Variants in VPS45 observed in about 807,000 individuals in gnomAD.
VPS45 encodes the protein vacuolar protein sorting-associated protein 45.
VPS45 carries 35 observed loss-of-function variants against 75.9 expected under a neutral mutation model. The observed-to-expected ratio is 0.46, with a 90% CI of 0.35 to 0.61. VPS45 has a LOEUF of 0.61. Ranked by LOEUF, VPS45 falls within the 20% of genes least tolerant of loss-of-function variation. The pLI is 0.00. For synonymous variants in VPS45, 220 were observed against 238.2 expected, an observed-to-expected ratio of 0.92 and a Z score of 0.70; for missense variants, 559 against 685.9, an observed-to-expected ratio of 0.81 and a Z score of 2.07.
chr1:150,121,461 A>G (rs782505288), intron 14 of VPS45, among the ~76,000 whole-genome samples: 5 of 152,108 alleles, frequency 3.3e-5, no homozygotes, highest in Non-Finnish European at 7.3e-5. Flanking sequence ...TGCAGTGTAC[A>G]GACTGTTATC....
At chr1:150,102,886 G>A (rs1657117721) in intron 13 of VPS45, among the ~76,000 whole-genome samples, 1 of 152,154 alleles carries the variant, frequency 6.6e-6, no homozygotes, top group Non-Finnish European at 1.5e-5. Context: ...GGTCAAAGGA[G>A]GGAGAGGAAC....
intron 2 of VPS45, among the ~76,000 whole-genome samples, chr1:150,070,014 G>C (rs1047317351): frequency 6.6e-6 from 1 of 152,032 alleles, no homozygotes; most frequent in Non-Finnish European, 1.5e-5. Context: ...ATCACCCTAT[G>C]TATATCAATC....
chr1:150,071,320 C>T (rs587717010), intron 2 of VPS45, among the ~76,000 whole-genome samples: 40 of 152,172 alleles, frequency 2.6e-4, no homozygotes, highest in African/African-American at 9.2e-4. Flanking sequence ...TATTTTAAAA[C>T]AATGTAATTG....
intron 7 of VPS45, 114 bp from the exon 8 acceptor site, chr1:150,081,228 C>T: frequency 1.9e-6 from 2 of 1,046,896 alleles, no homozygotes; most frequent in Non-Finnish European, 2.7e-6. Flanking sequence ...ACTCGAGAAT[C>T]TTCATGTAAA....
At chr1:150,128,695 G>A (rs7526867) in intron 14 of VPS45, among the ~76,000 whole-genome samples, 4 of 151,902 alleles carry the variant, frequency 2.6e-5, no homozygotes, top group East Asian at 3.9e-4. Flanking sequence ...TCTTCACTAC[G>A]GACGTTTCAG....
chr1:150,073,167 T>G (rs781788601), intron 3 of VPS45, among the ~76,000 whole-genome samples: 9 of 152,192 alleles, frequency 5.9e-5, no homozygotes, highest in Non-Finnish European at 1.2e-4. Flanking sequence ...CTCCTCTAGA[T>G]GTCATTATTT....
intron 1 of VPS45, chr1:150,068,270 T>C (rs1553796274): frequency 1.1e-5 from 4 of 377,184 alleles, no homozygotes; most frequent in Non-Finnish European, 1.4e-5. Context: ...CCACTCAACA[T>C]TGTGTTTTTA....
At chr1:150,084,461 G>A (rs143900658) in intron 10 of VPS45, among the ~76,000 whole-genome samples, 1 of 152,222 alleles carries the variant, frequency 6.6e-6, no homozygotes, top group African/African-American at 2.4e-5. Context: ...AGAATTAGAC[G>A]ACAGGCTGGA....
At chr1:150,076,676 T>C (rs1655403712) in intron 4 of VPS45, 1 of 562,124 alleles carries the variant, frequency 1.8e-6, no homozygotes. Flanking sequence ...TCCAGAAATA[T>C]AATGTGTATA....
At chr1:150,077,617 T>G in intron 6 of VPS45, 52 bp from the exon 7 acceptor site, 1 of 1,243,846 alleles carries the variant, frequency 8.0e-7, no homozygotes, top group South Asian at 1.2e-5. Flanking sequence ...TTTATATCAT[T>G]TCTATATGTA....
At chr1:150,068,969 T>G in intron 2 of VPS45, 1 of 540,682 alleles carries the variant, frequency 1.8e-6, no homozygotes. Flanking sequence ...TTCAAGATGT[T>G]TTTTAGGTTC....
intron 14 of VPS45, among the ~76,000 whole-genome samples, chr1:150,119,234 T>G (rs2101625958): frequency 6.6e-6 from 1 of 152,316 alleles, no homozygotes; most frequent in East Asian, 1.9e-4. Flanking sequence ...TTACAACTCT[T>G]AATACATATT....
intron 13 of VPS45, among the ~76,000 whole-genome samples, chr1:150,108,961 A>G (rs1433164349): frequency 6.6e-6 from 1 of 152,076 alleles, no homozygotes; most frequent in African/African-American, 2.4e-5. Flanking sequence ...CGTAATTGAC[A>G]CTTTACCATA....
rs781811510 is a variant in VPS45 at position 150,093,555 on chromosome 1, A to G, written c.1400A>G (p.Gln467Arg). ...KGVENVYTQH[Q>R]PFLHETLDHL... ...GTAGAAAATGTATATACACAGCATCAACCTTTCCTACATGAAACCCTGGAT... is the reference window on the plus strand; with the variant it reads ...GTAGAAAATGTATATACACAGCATCGACCTTTCCTACATGAAACCCTGGAT... The change falls in exon 13 of 15, where the codon CAA becomes CGA. Residue 467 changes from glutamine (Q) to arginine (R), a missense_variant. By Grantham distance (43) the Gln-to-Arg change is conservative. Coordinates refer to ENST00000644510, the MANE Select transcript of VPS45 (RefSeq NM_007259.5). 1 of 1,613,932 alleles carries G rather than the reference A, an allele frequency of 6.2e-7. No individual in the cohort carries two copies.
chr1:150,120,514 G>T (rs1351130053), intron 14 of VPS45, among the ~76,000 whole-genome samples: 2 of 152,186 alleles, frequency 1.3e-5, no homozygotes, highest in African/African-American at 2.4e-5. Context: ...GTCACCTGAA[G>T]ATATAGGTCC....
chr1:150,092,269 A>G (rs1320496525), intron 11 of VPS45, 33 bp from the exon 12 acceptor site: 3 of 1,605,646 alleles, frequency 1.9e-6, no homozygotes, highest in Non-Finnish European at 2.6e-6. Flanking sequence ...CCTGATGCCT[A>G]AGCAATCAAA....
At chr1:150,125,960 A>G (rs1305794935) in intron 14 of VPS45, among the ~76,000 whole-genome samples, 2 of 152,042 alleles carry the variant, frequency 1.3e-5, no homozygotes, top group Non-Finnish European at 2.9e-5. Context: ...TGGTGGGATT[A>G]TAGATATGAG....
At chr1:150,144,649 C>A in intron 14 of VPS45, 60 bp from the exon 15 acceptor site, 1 of 1,437,168 alleles carries the variant, frequency 7.0e-7, no homozygotes, top group Non-Finnish European at 9.6e-7. Flanking sequence ...CAGAGCAAGA[C>A]ATTCTATTTT....
At chr1:150,105,915 T>C (rs1446266469) in intron 13 of VPS45, among the ~76,000 whole-genome samples, 7 of 151,878 alleles carry the variant, frequency 4.6e-5, no homozygotes, top group African/African-American at 7.3e-5. Flanking sequence ...GACACATAGA[T>C]CAATGGAACA....
Sources: allele counts gnomAD v4.1 joint callset (sites outside exome capture counted in the v4.1 genomes callset), GRCh38; gene constraint gnomAD v4.1.1; transcripts MANE v1.5; gene names NCBI Gene and HGNC (gene_info 2026-07-23, HGNC 2026-07-21).